Variants in KCNIP4 observed in about 807,000 individuals in gnomAD.
KCNIP4 encodes the protein Kv channel-interacting protein 4.
KCNIP4 carries 12 observed loss-of-function variants against 34.0 expected under a neutral mutation model. The ratio of observed to expected loss-of-function variants is 0.35; its 90% CI spans 0.23 to 0.57. The LOEUF is 0.57. Among genes scored for constraint, KCNIP4 ranks in the 20% least tolerant of loss-of-function variants. The probability of loss-of-function intolerance (pLI) is 0.83; values close to 1 mark genes in which losing one functional copy is unlikely to be tolerated. For missense variants in KCNIP4, 238 were observed against 311.7 expected (o/e 0.76, Z 1.78); for synonymous variants, 124 against 102.2 (o/e 1.21, Z -1.29).
chr4:20,977,427 C>A (rs550061680), intron 1 of KCNIP4, among the ~76,000 whole-genome samples: 1 of 152,264 alleles, frequency 6.6e-6, no homozygotes, highest in African/African-American at 2.4e-5. Context: ...TCTCTCTCTG[C>A]AATGAATAAT....
chr4:21,472,039 A>T (rs967389564), intron 1 of KCNIP4, among the ~76,000 whole-genome samples: 4 of 152,178 alleles, frequency 2.6e-5, no homozygotes, highest in African/African-American at 4.8e-5. Context: ...GTATCATCAC[A>T]AAGATGACAA....
chr4:20,988,077 C>G (rs1371543713), intron 1 of KCNIP4, among the ~76,000 whole-genome samples: 1 of 147,082 alleles, frequency 6.8e-6, no homozygotes, highest in Non-Finnish European at 1.5e-5. Flanking sequence ...AATTTGGTTT[C>G]AAGGAGAAAA....
chr4:21,123,899 C>T (rs750189164), intron 1 of KCNIP4, among the ~76,000 whole-genome samples: 160 of 152,250 alleles, frequency 1.1e-3, no homozygotes, highest in Non-Finnish European at 5.7e-4. Flanking sequence ...AACATAACCA[C>T]GCTGGCACCC....
intron 1 of KCNIP4, among the ~76,000 whole-genome samples, chr4:21,119,282 C>T (rs1175012334): frequency 6.6e-6 from 1 of 151,886 alleles, no homozygotes; most frequent in African/African-American, 2.4e-5. Flanking sequence ...GACATTGGTG[C>T]AAATGTCTTA....
intron 1 of KCNIP4, among the ~76,000 whole-genome samples, chr4:21,436,233 AT>A (rs1726933403): frequency 6.6e-6 from 1 of 152,176 alleles, no homozygotes; most frequent in Non-Finnish European, 1.5e-5. Context: ...TGAGACTGAT[AT>A]ATACCTAGTC....
At chr4:21,054,496 G>A (rs1406273878) in intron 1 of KCNIP4, among the ~76,000 whole-genome samples, 1 of 150,102 alleles carries the variant, frequency 6.7e-6, no homozygotes, top group Non-Finnish European at 1.5e-5. Flanking sequence ...TCCAACCTGG[G>A]AGACAAGAGT....
intron 1 of KCNIP4, among the ~76,000 whole-genome samples, chr4:21,113,434 T>C (rs1749397687): frequency 1.0e-5 from 1 of 99,418 alleles, no homozygotes; most frequent in Admixed American, 1.2e-4. Context: ...AAAGGAGAGG[T>C]TGTGCATCTA....
At chr4:21,546,501 T>C (rs952283667) in intron 1 of KCNIP4, among the ~76,000 whole-genome samples, 43 of 152,066 alleles carry the variant, frequency 2.8e-4, no homozygotes, top group Non-Finnish European at 8.8e-5. Flanking sequence ...AACCGAAAGA[T>C]TGTATATTCT....
At chr4:20,817,891 C>T (rs553673747) in intron 3 of KCNIP4, among the ~76,000 whole-genome samples, 6 of 152,120 alleles carry the variant, frequency 3.9e-5, no homozygotes, top group Non-Finnish European at 7.3e-5. Flanking sequence ...ACTTCTTGAG[C>T]GTAGAGTATG....
intron 4 of KCNIP4, among the ~76,000 whole-genome samples, chr4:20,753,705 C>A (rs978924961): frequency 7.9e-5 from 12 of 152,170 alleles, no homozygotes; most frequent in Non-Finnish European, 1.6e-4. Context: ...ATAGTAGCTT[C>A]TGTCAATAAG....
intron 1 of KCNIP4, among the ~76,000 whole-genome samples, chr4:21,339,175 G>T (rs1364065162): frequency 6.6e-6 from 1 of 152,144 alleles, no homozygotes; most frequent in Non-Finnish European, 1.5e-5. Flanking sequence ...GCAGGTAAGT[G>T]GTTGACTTTG....
intron 5 of KCNIP4, among the ~76,000 whole-genome samples, chr4:20,738,062 C>T (rs573491932): frequency 6.6e-6 from 1 of 151,048 alleles, no homozygotes; most frequent in South Asian, 2.1e-4. Flanking sequence ...CCCAGAAGGT[C>T]GAGGCTACAG....
chr4:21,271,974 A>G (rs937456934), intron 1 of KCNIP4, among the ~76,000 whole-genome samples: 3 of 152,182 alleles, frequency 2.0e-5, no homozygotes, highest in Admixed American at 6.6e-5. Context: ...ATTTTACTGT[A>G]TTTTTAAAAA....
chr4:20,804,664 A>G (rs1374863205), intron 3 of KCNIP4, among the ~76,000 whole-genome samples: 1 of 151,880 alleles, frequency 6.6e-6, no homozygotes, highest in Non-Finnish European at 1.5e-5. Flanking sequence ...TTTCTACTTG[A>G]TTGGGTGTGT....
chr4:21,769,532 G>A (rs895625952), intron 1 of KCNIP4, among the ~76,000 whole-genome samples: 1 of 152,020 alleles, frequency 6.6e-6, no homozygotes, highest in African/African-American at 2.4e-5. Flanking sequence ...CTTGTTCTTA[G>A]AATTATTCAT....
At chr4:20,849,906 C>A (rs1376723193) in intron 3 of KCNIP4, among the ~76,000 whole-genome samples, 1 of 152,170 alleles carries the variant, frequency 6.6e-6, no homozygotes, top group African/African-American at 2.4e-5. Flanking sequence ...TTAGCACATA[C>A]AAAGTATTTG....
At chr4:21,858,764 C>T (rs918355300) in intron 1 of KCNIP4, among the ~76,000 whole-genome samples, 1 of 152,170 alleles carries the variant, frequency 6.6e-6, no homozygotes, top group African/African-American at 2.4e-5. Context: ...AAATCAAAAT[C>T]AATTAATTTC....
chr4:20,908,349 C>T (rs1207016632), intron 1 of KCNIP4, among the ~76,000 whole-genome samples: 2 of 152,222 alleles, frequency 1.3e-5, no homozygotes, highest in Non-Finnish European at 2.9e-5. Context: ...CCGCCTGCCT[C>T]AGCCTCCCAA....
At chr4:21,900,358 C>G (rs1041125871) in intron 1 of KCNIP4, among the ~76,000 whole-genome samples, 1 of 152,076 alleles carries the variant, frequency 6.6e-6, no homozygotes, top group Non-Finnish European at 1.5e-5. Flanking sequence ...CTGATGGAAG[C>G]CTATTGAAAA....
Sources: gnomAD v4.1 joint callset for allele counts (sites outside exome capture counted in the v4.1 genomes callset) on GRCh38, gnomAD v4.1.1 for gene constraint, MANE v1.5 for transcripts, NCBI Gene and HGNC (gene_info 2026-07-23, HGNC 2026-07-21) for gene names.